The following DEPTOR variants were observed in gnomAD, a reference collection of about 807,000 sequenced individuals.
DEPTOR encodes the protein DEP domain containing MTOR interacting protein.
A neutral mutation model predicts 41.6 loss-of-function variants in DEPTOR; 41 were observed. The ratio of observed to expected loss-of-function variants is 0.98; its 90% CI spans 0.77 to 1.28. The LOEUF is 1.28. DEPTOR is among the 50% of genes most tolerant of loss of function. The probability of loss-of-function intolerance (pLI) is 0.00; values close to 1 mark genes in which losing one functional copy is unlikely to be tolerated. For synonymous variants in DEPTOR, 195 were observed against 192.3 expected (o/e 1.01, Z -0.12); for missense variants, 514 against 527.9 (o/e 0.97, Z 0.26).
chr8:119,998,966 A>G (rs1812308701), intron 4 of DEPTOR, among the ~76,000 whole-genome samples: 1 of 150,702 alleles, frequency 6.6e-6, no homozygotes, highest in Non-Finnish European at 1.5e-5. Flanking sequence ...AAAAAAGAAG[A>G]AGAAGAAATA....
rs148793572 is a variant in DEPTOR, at chr8:120,048,475, A to G, written c.1102-1101A>G. Among the ~76,000 whole-genome samples the G allele has an allele frequency of 2.7e-3, 413 of 152,362 alleles. 1 individual carries two copies. The highest frequency in any genetic ancestry group is 9.7e-3 in the African/African-American group (402 of 41,586). Reference sequence around the variant, plus strand: ...CATGGTTGAAAACTGCTGATTTTGTATAAGATGTACCCTGAATCCATGAAG... The same window carrying G: ...CATGGTTGAAAACTGCTGATTTTGTGTAAGATGTACCCTGAATCCATGAAG... On this transcript the variant is annotated intron_variant, in intron 8 of 8. Transcript: ENST00000286234.
chr8:119,948,292 A>T (rs1828308298), intron 3 of DEPTOR, among the ~76,000 whole-genome samples: 1 of 152,154 alleles, frequency 6.6e-6, no homozygotes. Flanking sequence ...AGGTGCCTGT[A>T]ATCCCGCTCC....
chr8:119,920,425 G>C (rs752367448), intron 1 of DEPTOR, among the ~76,000 whole-genome samples: 1 of 152,154 alleles, frequency 6.6e-6, no homozygotes, highest in Non-Finnish European at 1.5e-5. Context: ...ATAGAGGAGA[G>C]AGAAGGCTGT....
chr8:120,002,797 T>A lies in DEPTOR; in HGVS notation c.791-180T>A, dbSNP rs1422491654. On this transcript the variant is annotated intron_variant, in intron 5 of 8. Coordinates refer to ENST00000286234, the MANE Select transcript of DEPTOR (RefSeq NM_022783.4). Reference sequence around the variant, plus strand: ...ATCTCAAAAAAAAAAAAAAAATATATATATATATATATATAATATAAAGTA... The same window carrying A: ...ATCTCAAAAAAAAAAAAAAAATATAAATATATATATATATAATATAAAGTA... 6.6e-4 allele frequency among the ~76,000 whole-genome samples: 82 copies of A among 123,406 alleles called. 6 individuals carry two copies. In the East Asian group the frequency reaches 0.021, roughly 31 times the overall value. 81.0% of individuals were successfully genotyped at this position (123,406 alleles called of 152,430 possible).
intron 1 of DEPTOR, among the ~76,000 whole-genome samples, chr8:119,902,885 GC>G (rs1419083684): frequency 6.6e-6 from 1 of 151,756 alleles, no homozygotes; most frequent in African/African-American, 2.4e-5. Flanking sequence ...TGAGGGTCGT[GC>G]CACTTTGGAA....
At chr8:119,898,723 A>G (rs1190538692) in intron 1 of DEPTOR, among the ~76,000 whole-genome samples, 1 of 149,808 alleles carries the variant, frequency 6.7e-6, no homozygotes. Context: ...AAAAAAATAA[A>G]AACTAAAAAA....
intron 8 of DEPTOR, among the ~76,000 whole-genome samples, chr8:120,026,831 CTG>C (rs1812804581): frequency 6.6e-6 from 1 of 152,216 alleles, no homozygotes. Context: ...CATCCCTTCT[CTG>C]TCCTCTGTTC....
chr8:119,945,727 A>C (rs1828262751), intron 3 of DEPTOR, among the ~76,000 whole-genome samples: 1 of 152,230 alleles, frequency 6.6e-6, no homozygotes, highest in African/African-American at 2.4e-5. Context: ...AGAGAGACTA[A>C]AACTCAGAGC....
intron 4 of DEPTOR, among the ~76,000 whole-genome samples, chr8:119,996,408 C>G (rs1812259927): frequency 6.6e-6 from 1 of 152,200 alleles, no homozygotes; most frequent in Non-Finnish European, 1.5e-5. Context: ...TTATAGTTGA[C>G]TATCTCATCT....
Position 119,929,832 on chromosome 8 carries a change from G to A in DEPTOR, c.319G>A (p.Glu107Lys), listed in dbSNP as rs1338404192. The part of the protein sequence containing the change: ...IIHHVCDEHK[E>K]FKDVKLFYRF... ...TGTTTCAGTGTGTGATGAGCATAAG[G>A]AATTCAAGGATGTCAAACTCTTCTA... is the stretch of plus-strand genomic sequence containing the variant. Residue 107 changes from glutamate (E) to lysine (K), a missense_variant, in exon 3 of 9, where the codon GAA becomes AAA. Coordinates refer to ENST00000286234, the MANE Select transcript of DEPTOR (RefSeq NM_022783.4). The A allele has an allele frequency of 9.3e-6, 15 of 1,612,942 alleles. No homozygotes were observed. The highest frequency in any genetic ancestry group is 1.3e-5 in the African/African-American group (1 of 74,878).
chr8:119,989,791 T>G (rs1812121751), intron 4 of DEPTOR, among the ~76,000 whole-genome samples: 1 of 152,246 alleles, frequency 6.6e-6, no homozygotes, highest in African/African-American at 2.4e-5. Flanking sequence ...TGAAGCTTAA[T>G]GTATTTGATG....
Position 120,037,466 on chromosome 8 carries a change from G to T in DEPTOR, c.1102-12110G>T, listed in dbSNP as rs1198811406. Among the ~76,000 whole-genome samples the T allele has an allele frequency of 1.3e-5, 2 of 152,192 alleles. 1 individual carries two copies. Among genetic ancestry groups the T allele is most frequent in the South Asian group, 4.1e-4 (2 of 4,832 alleles). ...AGTGGAATTGGTAATGTCAGTTAAA[G>T]GCAGAGATTAGGTGATGCCATCAGT... On this transcript the variant is annotated intron_variant, in intron 8 of 8. Coordinates refer to ENST00000286234, the MANE Select transcript of DEPTOR (RefSeq NM_022783.4).
intron 3 of DEPTOR, among the ~76,000 whole-genome samples, chr8:119,954,291 G>A (rs1828390746): frequency 6.6e-6 from 1 of 151,668 alleles, no homozygotes; most frequent in Admixed American, 6.6e-5. Flanking sequence ...CTACAGGCAT[G>A]TGCCACTACA....
At chr8:119,932,005 A>G (rs904855308) in intron 3 of DEPTOR, among the ~76,000 whole-genome samples, 4 of 149,690 alleles carry the variant, frequency 2.7e-5, no homozygotes, top group African/African-American at 7.4e-5. Context: ...TTATAAAGAC[A>G]GGAGCTTGCT....
At chr8:119,889,432 A>G (rs1159168338) in intron 1 of DEPTOR, among the ~76,000 whole-genome samples, 2 of 150,808 alleles carry the variant, frequency 1.3e-5, no homozygotes, top group Non-Finnish European at 2.9e-5. Context: ...CTGTGATCTG[A>G]GCTACTTGGG....
At chr8:120,021,523 C>T (rs1226487087) in intron 8 of DEPTOR, among the ~76,000 whole-genome samples, 4 of 152,270 alleles carry the variant, frequency 2.6e-5, no homozygotes, top group Admixed American at 1.3e-4. Context: ...AATTGTGTTA[C>T]TCAGAGTCTT....
intron 8 of DEPTOR, among the ~76,000 whole-genome samples, chr8:120,045,362 T>A (rs1417318000): frequency 6.6e-6 from 1 of 152,146 alleles, no homozygotes; most frequent in African/African-American, 2.4e-5. Flanking sequence ...TTTTCTAATT[T>A]TTTTATTTTT....
At position 120,035,272 on chromosome 8, in the gene DEPTOR, A is replaced by G. The variant is rs551289468; in HGVS notation, c.1102-14304A>G. ...GAGGCAGAGGTTGCAGTGAGCGGAG[A>G]TGGCACCACTACACTCCAGCCTGTG... On this transcript the variant is annotated intron_variant, in intron 8 of 8. Transcript: ENST00000286234. Among the ~76,000 whole-genome samples the G allele has an allele frequency of 1.1e-4, 16 of 152,196 alleles. No homozygotes were observed. In the East Asian group the frequency reaches 3.1e-3, roughly 29 times the overall value.
intron 3 of DEPTOR, among the ~76,000 whole-genome samples, chr8:119,963,704 T>C (rs1057114867): frequency 6.6e-6 from 1 of 152,150 alleles, no homozygotes; most frequent in Non-Finnish European, 1.5e-5. Context: ...TGTGTTACAT[T>C]GCATCATATA....
Sources: gnomAD v4.1 joint callset for allele counts (sites outside exome capture counted in the v4.1 genomes callset) on GRCh38, gnomAD v4.1.1 for gene constraint, MANE v1.5 for transcripts, NCBI Gene and HGNC (gene_info 2026-07-23, HGNC 2026-07-21) for gene names.